LHFPL3: variants seen among roughly 807,000 people sequenced by gnomAD.
The protein encoded by LHFPL3 is LHFPL tetraspan subfamily member 3 protein.
Under a neutral mutation model 19.3 loss-of-function variants are expected in LHFPL3, and 5 were observed. That is an observed-to-expected ratio of 0.26 (90% confidence interval 0.14 to 0.54). The LOEUF is 0.54. Among genes scored for constraint, LHFPL3 ranks in the 20% least tolerant of loss-of-function variants. LHFPL3 has a pLI of 0.94. For missense variants in LHFPL3, 249 were observed against 307.4 expected (o/e 0.81, Z 1.42); for synonymous variants, 133 against 126.2 (o/e 1.05, Z -0.36).
chr7:104,647,156 A>G lies in LHFPL3; in HGVS notation c.446-89519A>G, dbSNP rs552729229. On this transcript the variant is annotated intron_variant, in intron 1 of 2. Transcript: ENST00000424859. ...AATCTTCCTGTTTTTACTATTTGTA[A>G]TATAGTAGCTGAAGCATATGAGTTG... Among the ~76,000 whole-genome samples the G allele has an allele frequency of 2.2e-4, 34 of 152,334 alleles. No individual in the cohort carries two copies. In the South Asian group the frequency reaches 7.0e-3, roughly 32 times the overall value.
intron 1 of LHFPL3, among the ~76,000 whole-genome samples, chr7:104,568,684 C>T (rs1790168885): frequency 6.6e-6 from 1 of 152,204 alleles, no homozygotes; most frequent in Non-Finnish European, 1.5e-5. Context: ...GAGAATCATA[C>T]TGCCCATCTG....
At chr7:104,611,629 A>G (rs560875244) in intron 1 of LHFPL3, among the ~76,000 whole-genome samples, 2 of 152,252 alleles carry the variant, frequency 1.3e-5, no homozygotes, top group Admixed American at 1.3e-4. Context: ...AGAAATATAA[A>G]TCTTTTTCCC....
intron 2 of LHFPL3, among the ~76,000 whole-genome samples, chr7:104,881,869 C>T (rs1052668491): frequency 1.3e-5 from 2 of 152,058 alleles, no homozygotes; most frequent in Admixed American, 6.6e-5. Context: ...ATCAGTCAGC[C>T]GCCATCAACA....
chr7:104,770,184 A>G (rs1382378365), intron 2 of LHFPL3, among the ~76,000 whole-genome samples: 1 of 152,080 alleles, frequency 6.6e-6, no homozygotes. Context: ...TAGTTACTTC[A>G]GGAGACTTAA....
intron 1 of LHFPL3, among the ~76,000 whole-genome samples, chr7:104,680,925 C>G (rs4566971): frequency 6.6e-6 from 1 of 151,840 alleles, no homozygotes; most frequent in African/African-American, 2.4e-5. Context: ...ATTAAACAAC[C>G]GAGCTACTGA....
intron 1 of LHFPL3, among the ~76,000 whole-genome samples, chr7:104,562,014 A>G (rs961496673): frequency 5.2e-4 from 79 of 151,572 alleles, no homozygotes; most frequent in African/African-American, 1.8e-3. Context: ...ATTGGCCCCC[A>G]CTCTCTTCTG....
Position 104,396,425 on chromosome 7 carries a change from T to C in LHFPL3, c.445+67201T>C, listed in dbSNP as rs566594186. ...GCGGCTATGGTAAGATACAGAGAAG[T>C]TGATAAGAGGCTGACTAACCAACTG... is the stretch of plus-strand genomic sequence containing the variant. On this transcript the variant is annotated intron_variant, in intron 1 of 2. Coordinates refer to ENST00000424859, the MANE Select transcript of LHFPL3 (RefSeq NM_199000.3). Among the ~76,000 whole-genome samples the C allele has an allele frequency of 3.3e-5, 5 of 152,118 alleles. No homozygotes were observed. The South Asian group carries it at 1.0e-3, about 32-fold the overall frequency.
At chr7:104,549,130 A>G (rs1794623516) in intron 1 of LHFPL3, among the ~76,000 whole-genome samples, 1 of 152,126 alleles carries the variant, frequency 6.6e-6, no homozygotes, top group Admixed American at 6.6e-5. Flanking sequence ...TGGTGGAGAA[A>G]GGAGTAAATA....
chr7:104,567,007 G>T (rs1393737773), intron 1 of LHFPL3, among the ~76,000 whole-genome samples: 2 of 152,102 alleles, frequency 1.3e-5, no homozygotes, highest in African/African-American at 4.8e-5. Flanking sequence ...GATGACTATT[G>T]TAATTCTTGG....
intron 1 of LHFPL3, among the ~76,000 whole-genome samples, chr7:104,526,110 C>T (rs1245788554): frequency 6.6e-6 from 1 of 152,100 alleles, no homozygotes; most frequent in Non-Finnish European, 1.5e-5. Context: ...ACATGAGTCC[C>T]ATTCTCATTC....
At chr7:104,350,613 A>G (rs1790154033) in intron 1 of LHFPL3, among the ~76,000 whole-genome samples, 1 of 152,252 alleles carries the variant, frequency 6.6e-6, no homozygotes, top group Non-Finnish European at 1.5e-5. Context: ...AGTGAACCAA[A>G]CAGATGGGTT....
chr7:104,672,677 C>T (rs1015609558), intron 1 of LHFPL3, among the ~76,000 whole-genome samples: 1 of 152,178 alleles, frequency 6.6e-6, no homozygotes, highest in African/African-American at 2.4e-5. Flanking sequence ...TGAGGTATCT[C>T]AGCCCTGAAC....
intron 2 of LHFPL3, among the ~76,000 whole-genome samples, chr7:104,805,120 T>G (rs997374331): frequency 2.0e-5 from 3 of 152,190 alleles, no homozygotes; most frequent in African/African-American, 7.2e-5. Context: ...CTTCTCCTCT[T>G]GTATCCCCTC....
chr7:104,631,155 C>CA (rs1402834201), intron 1 of LHFPL3, among the ~76,000 whole-genome samples: 43 of 152,132 alleles, frequency 2.8e-4, no homozygotes, highest in Middle Eastern at 6.8e-3. Flanking sequence ...ACAACAACAA[C>CA]AACAACAAAG....
rs74722818 is a variant in LHFPL3 at position 104,770,793 on chromosome 7, A to C, written c.682+33882A>C. Among the ~76,000 whole-genome samples the C allele has an allele frequency of 0.02, 3,015 of 152,296 alleles. 255 individuals are homozygous for C. The East Asian group carries it at 0.27, about 14-fold the overall frequency. On this transcript the variant is annotated intron_variant, in intron 2 of 2. Coordinates refer to ENST00000424859, the MANE Select transcript of LHFPL3 (RefSeq NM_199000.3). ...ACCAGATATGAAGCCTATTTTCCAC[A>C]GCCTCATAACCCCTGTAAGTTCTCC...
At chr7:104,400,627 A>G (rs1319150577) in intron 1 of LHFPL3, among the ~76,000 whole-genome samples, 1 of 152,176 alleles carries the variant, frequency 6.6e-6, no homozygotes, top group East Asian at 1.9e-4. Flanking sequence ...TGATACATGA[A>G]AAAAATCTAG....
intron 1 of LHFPL3, among the ~76,000 whole-genome samples, chr7:104,512,564 C>A (rs1465951923): frequency 6.6e-6 from 1 of 151,850 alleles, no homozygotes; most frequent in African/African-American, 2.4e-5. Context: ...GGTGAAACCC[C>A]GTCTCTACTA....
chr7:104,562,861 G>A (rs1270610452), intron 1 of LHFPL3, among the ~76,000 whole-genome samples: 1 of 151,086 alleles, frequency 6.6e-6, no homozygotes, highest in African/African-American at 2.4e-5. Context: ...TGGGTTTTTG[G>A]TGTGGATGTC....
chr7:104,744,679 C>T (rs1204499404), intron 2 of LHFPL3, among the ~76,000 whole-genome samples: 1 of 152,188 alleles, frequency 6.6e-6, no homozygotes, highest in Non-Finnish European at 1.5e-5. Flanking sequence ...TCACTCCAAC[C>T]TCCCAATTGC....
Sources: allele counts gnomAD v4.1 joint callset (sites outside exome capture counted in the v4.1 genomes callset), GRCh38; gene constraint gnomAD v4.1.1; transcripts MANE v1.5; gene names NCBI Gene and HGNC (gene_info 2026-07-23, HGNC 2026-07-21).